Variants in RYR2 observed in about 807,000 individuals in gnomAD.
RYR2 encodes cardiac muscle ryanodine receptor-calcium release channel.
A neutral mutation model predicts 601.1 loss-of-function variants in RYR2; 227 were observed. That is an observed-to-expected ratio of 0.38 (90% CI 0.34 to 0.42). The LOEUF is 0.42. Ranked by LOEUF, RYR2 falls within the 10% of genes least tolerant of loss-of-function variation. RYR2 has a pLI of 1.00. For synonymous variants in RYR2, 2,223 were observed against 2,175.1 expected (o/e 1.02, Z -0.61); for missense variants, 4,646 against 6,156.5 (o/e 0.75, Z 8.21).
intron 63 of RYR2, among the ~76,000 whole-genome samples, chr1:237,698,248 G>A (rs1034788434): frequency 4.0e-5 from 6 of 151,646 alleles, no homozygotes; most frequent in East Asian, 3.9e-4. Flanking sequence ...TCCCCATTAC[G>A]AAGAAAAATA....
intron 1 of RYR2, among the ~76,000 whole-genome samples, chr1:237,113,864 G>C (rs1669768278): frequency 6.6e-6 from 1 of 152,168 alleles, no homozygotes; most frequent in Non-Finnish European, 1.5e-5. Flanking sequence ...TAAAACTGTA[G>C]CACTGAACTT....
chr1:237,594,221 C>G (rs1478916), intron 33 of RYR2, among the ~76,000 whole-genome samples: 53,704 of 152,070 alleles, frequency 0.35, 11,279 homozygotes, highest in Admixed American at 0.48. Context: ...AGAAGGCTAT[C>G]TTCCTTGCAG....
chr1:237,355,826 A>G (rs1699245057), intron 3 of RYR2, 139 bp from the exon 4 acceptor site: 2 of 701,564 alleles, frequency 2.9e-6, no homozygotes, highest in South Asian at 3.6e-5. Context: ...AAACTTGAAT[A>G]CAATTTTTTA....
At chr1:237,769,791 T>G (rs181960357) in intron 84 of RYR2, among the ~76,000 whole-genome samples, 1,602 of 151,914 alleles carry the variant, frequency 0.011, 18 homozygotes, top group Middle Eastern at 0.02. Context: ...GGCTTTTTTG[T>G]CATTTTGCTT....
chr1:237,173,763 A>G (rs1677684696), intron 1 of RYR2, among the ~76,000 whole-genome samples: 1 of 152,218 alleles, frequency 6.6e-6, no homozygotes, highest in Admixed American at 6.5e-5. Context: ...ATGATAAAAG[A>G]TTAAGAGTGT....
intron 6 of RYR2, among the ~76,000 whole-genome samples, chr1:237,372,039 A>G (rs1700685226): frequency 6.6e-6 from 1 of 152,166 alleles, no homozygotes; most frequent in South Asian, 2.1e-4. Context: ...TGTACCCTAG[A>G]ACTTAAAGTA....
At chr1:237,349,666 G>A (rs997391916) in intron 3 of RYR2, among the ~76,000 whole-genome samples, 2 of 152,158 alleles carry the variant, frequency 1.3e-5, no homozygotes, top group African/African-American at 2.4e-5. Flanking sequence ...TCTGGAACAA[G>A]GTGAAGTTAC....
chr1:237,526,525 T>C (rs575888706), intron 24 of RYR2, among the ~76,000 whole-genome samples: 52 of 152,248 alleles, frequency 3.4e-4, no homozygotes, highest in Middle Eastern at 3.4e-3. Flanking sequence ...CTTTGAATTA[T>C]GTGTAGAGAC....
chr1:237,508,375 G>T (rs960956544), intron 23 of RYR2, among the ~76,000 whole-genome samples: 3 of 151,726 alleles, frequency 2.0e-5, no homozygotes, highest in Non-Finnish European at 4.4e-5. Context: ...AATTGCCAGA[G>T]GAATTACAGG....
At chr1:237,666,384 A>G in intron 56 of RYR2, 128 bp from the exon 57 acceptor site, 1 of 736,410 alleles carries the variant, frequency 1.4e-6, no homozygotes, top group South Asian at 1.7e-5. Flanking sequence ...CATTTTGTAT[A>G]GAAACTTGCC....
At chr1:237,227,589 T>C (rs530036981) in intron 1 of RYR2, among the ~76,000 whole-genome samples, 1 of 152,350 alleles carries the variant, frequency 6.6e-6, no homozygotes, top group East Asian at 1.9e-4. Context: ...GTTCACCTCA[T>C]GTCTGCATGG....
chr1:237,361,684 T>G (rs1699793186), intron 4 of RYR2, among the ~76,000 whole-genome samples: 1 of 152,186 alleles, frequency 6.6e-6, no homozygotes, highest in South Asian at 2.1e-4. Context: ...CGTTCCTTTT[T>G]AAAAATCAGT....
At chr1:237,711,918 C>A in intron 71 of RYR2, 81 bp downstream of exon 71, 2 of 706,340 alleles carry the variant, frequency 2.8e-6, no homozygotes, top group Non-Finnish European at 2.5e-6. Flanking sequence ...TTTAGATTTT[C>A]GAAGATTTGT....
Position 237,591,822 on chromosome 1 carries a change from A to G in RYR2, c.4244A>G (p.Asp1415Gly). 6.2e-7 allele frequency: 1 copy of G among 1,613,472 alleles called. No individual in the cohort carries two copies. Among genetic ancestry groups the G allele is most frequent in the African/African-American group, 1.3e-5 (1 of 75,048 alleles). ...GAAGATGTCCTTGCTGATGATCGGG[A>G]TGACTATGATTTCTTGATGCAAACG... ...LTEDVLADDR[D>G]DYDFLMQTST... is the part of the protein sequence containing the mutation. Residue 1415 changes from aspartate (D) to glycine (G), a missense_variant, in exon 32 of 105, where the codon GAT becomes GGT. Around this residue, in one of 17 missense-constraint regions of RYR2, gnomAD observed 1,807 missense variants for 2,088.1 expected, o/e 0.87. Coordinates refer to ENST00000366574, the MANE Select transcript of RYR2 (RefSeq NM_001035.3).
At position 237,298,151 on chromosome 1, in the gene RYR2, G is replaced by C. The variant is rs79422840; in HGVS notation, c.168+27535G>C. 2.0e-5 allele frequency among the ~76,000 whole-genome samples: 3 copies of C among 152,152 alleles called. No individual in the cohort carries two copies. In the East Asian group the frequency reaches 5.8e-4, roughly 29 times the overall value. On this transcript the variant is annotated intron_variant, in intron 2 of 104. Transcript: ENST00000366574. ...TTACATCATTCTCTTAACCAACCACGTTATTCTTTGTCATCGTCACTCATT... is the reference window on the plus strand; with the variant it reads ...TTACATCATTCTCTTAACCAACCACCTTATTCTTTGTCATCGTCACTCATT...
intron 22 of RYR2, among the ~76,000 whole-genome samples, chr1:237,503,845 T>C (rs1263366302): frequency 1.3e-5 from 2 of 151,954 alleles, no homozygotes; most frequent in Non-Finnish European, 2.9e-5. Flanking sequence ...GTAGCTGGGA[T>C]TACAGGCGCC....
At chr1:237,400,037 T>TACACACACAC (rs55730903) in intron 10 of RYR2, among the ~76,000 whole-genome samples, 5 of 149,252 alleles carry the variant, frequency 3.4e-5, no homozygotes, top group Admixed American at 1.3e-4. Context: ...GTTTAGAACT[T>TACACACACAC]ACACACACAC....
chr1:237,573,680 C>T (rs970731502), intron 29 of RYR2, among the ~76,000 whole-genome samples: 8 of 151,404 alleles, frequency 5.3e-5, no homozygotes, highest in African/African-American at 7.3e-5. Context: ...AGCGTGGTGG[C>T]GGGCACTTGT....
At chr1:237,624,139 C>T (rs1679395798) in intron 39 of RYR2, among the ~76,000 whole-genome samples, 1 of 152,102 alleles carries the variant, frequency 6.6e-6, no homozygotes, top group African/African-American at 2.4e-5. Context: ...CCATTAGTGG[C>T]AGGAAATGGG....
Sources: allele counts gnomAD v4.1 joint callset (sites outside exome capture counted in the v4.1 genomes callset), GRCh38; gene constraint gnomAD v4.1.1; regional missense constraint gnomAD v4.1.1; transcripts MANE v1.5; gene names NCBI Gene and HGNC (gene_info 2026-07-23, HGNC 2026-07-21).